The following EXT2 variants were observed in gnomAD, a reference collection of about 807,000 sequenced individuals.
EXT2 encodes the protein exostosin glycosyltransferase 2.
Under a neutral mutation model 81.6 loss-of-function variants are expected in EXT2, and 53 were observed. That is an observed-to-expected ratio of 0.65 (90% CI 0.52 to 0.82). The LOEUF is 0.82. Among genes scored for constraint, EXT2 ranks in the 40% least tolerant of loss-of-function variants. The probability of loss-of-function intolerance (pLI) is 0.00; values close to 1 mark genes in which losing one functional copy is unlikely to be tolerated. For synonymous variants in EXT2, 320 were observed against 340.0 expected (o/e 0.94, Z 0.65); for missense variants, 774 against 910.2 (o/e 0.85, Z 1.93).
intron 2 of EXT2, 103 bp from the exon 3 acceptor site, chr11:44,109,091 C>T (rs1954103645): frequency 1.7e-6 from 2 of 1,204,898 alleles, no homozygotes; most frequent in African/African-American, 3.0e-5. Context: ...GAGAAGCGGC[C>T]CTATTTGGGC....
At chr11:44,199,787 C>G (rs1327068185) in intron 9 of EXT2, among the ~76,000 whole-genome samples, 1 of 152,102 alleles carries the variant, frequency 6.6e-6, no homozygotes, top group Non-Finnish European at 1.5e-5. Flanking sequence ...TAGCAGGAGC[C>G]CAGATTTTGG....
chr11:44,217,942 C>T (rs1309578502), intron 10 of EXT2, among the ~76,000 whole-genome samples: 2 of 152,190 alleles, frequency 1.3e-5, no homozygotes, highest in Non-Finnish European at 2.9e-5. Flanking sequence ...ATGTGAAATG[C>T]TCTTGGCTAA....
chr11:44,218,417 G>T (rs1442433462), intron 10 of EXT2, among the ~76,000 whole-genome samples: 1 of 152,086 alleles, frequency 6.6e-6, no homozygotes, highest in Non-Finnish European at 1.5e-5. Context: ...GGTAATAGAG[G>T]GCCAGCGGAG....
chr11:44,173,106 T>A (rs960927509), intron 8 of EXT2, among the ~76,000 whole-genome samples: 2 of 152,180 alleles, frequency 1.3e-5, no homozygotes, highest in African/African-American at 4.8e-5. Flanking sequence ...CAAGTAATGC[T>A]GTGAATGTAG....
chr11:44,249,345 T>C lies in EXT2; in HGVS notation c.*5058T>C, dbSNP rs1315771805. ...TTCTGCTCTCAGTTGGTTGGACCAC[T>C]GGTTGCATCTCTTCCCACTCTCCCT... On this transcript the variant is annotated 3_prime_UTR_variant, in exon 14 of 14. Transcript: ENST00000533608. Among the ~76,000 whole-genome samples the C allele has an allele frequency of 2.0e-5, 3 of 152,180 alleles. No individual in the cohort carries two copies. Among genetic ancestry groups the C allele is most frequent in the Non-Finnish European group, 4.4e-5 (3 of 68,028 alleles).
intron 12 of EXT2, 57 bp from the exon 13 acceptor site, chr11:44,236,236 A>T (rs1360066015): frequency 6.7e-7 from 1 of 1,493,868 alleles, no homozygotes; most frequent in Non-Finnish European, 9.3e-7. Context: ...TGTCACAAGC[A>T]TGATTTTATT....
At chr11:44,232,036 A>G (rs1258617780) in intron 10 of EXT2, among the ~76,000 whole-genome samples, 8 of 152,200 alleles carry the variant, frequency 5.3e-5, no homozygotes, top group Admixed American at 5.2e-4. Context: ...TTCATTAAGA[A>G]TGGAACCTAT....
At position 44,234,740 on chromosome 11, in the gene EXT2, G is replaced by C. The variant is rs148470806; in HGVS notation, c.1935+497G>C. ...GTACCTTTCCCATAACATATTAAAA[G>C]CTGAGAATACACAAAGATCCTATGG... On this transcript the variant is annotated intron_variant, in intron 12 of 13. Coordinates refer to ENST00000533608, the MANE Select transcript of EXT2 (RefSeq NM_207122.2). 1.7e-3 allele frequency among the ~76,000 whole-genome samples: 257 copies of C among 152,170 alleles called. 3 individuals carry two copies. The highest frequency in any genetic ancestry group is 6.0e-3 in the African/African-American group (247 of 41,508).
intron 9 of EXT2, among the ~76,000 whole-genome samples, chr11:44,205,979 A>G (rs1331531461): frequency 6.6e-6 from 1 of 152,222 alleles, no homozygotes; most frequent in African/African-American, 2.4e-5. Flanking sequence ...TAAATTACCC[A>G]GTTATTTCAT....
At chr11:44,237,258 C>A (rs375353710) in intron 13 of EXT2, among the ~76,000 whole-genome samples, 90 of 151,936 alleles carry the variant, frequency 5.9e-4, no homozygotes, top group Middle Eastern at 3.4e-3. Context: ...TATTAGAATT[C>A]TTCAAGCCTA....
chr11:44,166,730 T>A (rs2135117354), intron 7 of EXT2, among the ~76,000 whole-genome samples: 1 of 152,334 alleles, frequency 6.6e-6, no homozygotes, highest in Admixed American at 6.5e-5. Flanking sequence ...TTTCACATGT[T>A]CACTCCCTTG....
At chr11:44,215,068 T>C (rs886309388) in intron 10 of EXT2, among the ~76,000 whole-genome samples, 2 of 152,138 alleles carry the variant, frequency 1.3e-5, no homozygotes, top group Admixed American at 1.3e-4. Flanking sequence ...GCCTCAACTT[T>C]TGAGTTTTGT....
intron 7 of EXT2, among the ~76,000 whole-genome samples, chr11:44,157,661 G>A (rs1055831486): frequency 1.3e-4 from 20 of 151,984 alleles, no homozygotes; most frequent in African/African-American, 4.6e-4. Context: ...GTCTAGAAAC[G>A]CCATCCAGGA....
chr11:44,133,100 G>A (rs1590578385), intron 7 of EXT2, among the ~76,000 whole-genome samples: 1 of 152,186 alleles, frequency 6.6e-6, no homozygotes, highest in Non-Finnish European at 1.5e-5. Context: ...GGGGTTGGGG[G>A]TGGAGGGCAA....
At chr11:44,180,483 C>A (rs1238803588) in intron 8 of EXT2, among the ~76,000 whole-genome samples, 1 of 152,144 alleles carries the variant, frequency 6.6e-6, no homozygotes, top group African/African-American at 2.4e-5. Flanking sequence ...ATGTTCCTAT[C>A]ACTAATTTAA....
chr11:44,108,032 A>T lies in EXT2; in HGVS notation c.320A>T (p.Tyr107Phe). Residue 107 changes from tyrosine (Y) to phenylalanine (F), a missense_variant, in exon 2 of 14, where the codon TAT (tyrosine) becomes TTT (phenylalanine). Physicochemically the swap from Tyr to Phe is conservative, Grantham distance 22. Transcript: ENST00000533608. ...GFNPKNKIKV[Y>F]IYALKKYVDD... ...AACCCAAAGAACAAAATCAAGGTGT[A>T]TATCTATGCTCTGAAAAAGTACGTG... The T allele has an allele frequency of 1.9e-6, 3 of 1,614,200 alleles. No individual in the cohort carries two copies. The highest frequency in any genetic ancestry group is 2.5e-6 in the Non-Finnish European group (3 of 1,180,038).
intron 7 of EXT2, among the ~76,000 whole-genome samples, chr11:44,138,393 G>A (rs1954599918): frequency 6.6e-6 from 1 of 152,120 alleles, no homozygotes; most frequent in African/African-American, 2.4e-5. Context: ...TCTTGAGAAT[G>A]AATTGTTAGG....
At chr11:44,179,275 G>C (rs1292945554) in intron 8 of EXT2, among the ~76,000 whole-genome samples, 1 of 152,190 alleles carries the variant, frequency 6.6e-6, no homozygotes, top group Non-Finnish European at 1.5e-5. Flanking sequence ...AAACTAATGT[G>C]CCTGTGTAAC....
intron 7 of EXT2, among the ~76,000 whole-genome samples, chr11:44,148,589 G>A (rs1954751896): frequency 6.6e-6 from 1 of 152,188 alleles, no homozygotes; most frequent in African/African-American, 2.4e-5. Context: ...TCATAAAATA[G>A]GGATAATTGG....
Sources: allele counts gnomAD v4.1 joint callset (sites outside exome capture counted in the v4.1 genomes callset), GRCh38; gene constraint gnomAD v4.1.1; transcripts MANE v1.5; gene names NCBI Gene and HGNC (gene_info 2026-07-23, HGNC 2026-07-21).